Variants in CMTM4 observed in about 807,000 individuals in gnomAD.
The protein encoded by CMTM4 is CKLF like MARVEL transmembrane domain containing 4.
A neutral mutation model predicts 19.0 loss-of-function variants in CMTM4; 8 were observed. The ratio of observed to expected loss-of-function variants is 0.42; its 90% CI spans 0.25 to 0.76. The LOEUF (loss-of-function observed/expected upper bound fraction) is 0.76. CMTM4 is among the 30% of genes least tolerant of loss of function. CMTM4 has a pLI of 0.27. For missense variants in CMTM4, 228 were observed against 290.2 expected (o/e 0.79, Z 1.56); for synonymous variants, 106 against 121.1 (o/e 0.88, Z 0.82).
chr16:66,635,835 C>T (rs2015981906), intron 2 of CMTM4, among the ~76,000 whole-genome samples: 1 of 152,182 alleles, frequency 6.6e-6, no homozygotes, highest in Non-Finnish European at 1.5e-5. Flanking sequence ...CTGACCAGCC[C>T]TGTGCTTCCC....
intron 1 of CMTM4, among the ~76,000 whole-genome samples, chr16:66,684,576 C>A (rs888451112): frequency 2.0e-5 from 3 of 152,096 alleles, no homozygotes; most frequent in Admixed American, 2.0e-4. Flanking sequence ...CGAGAAAAGG[C>A]CACACACGAG....
Position 66,617,565 on chromosome 16 carries a change from C to T in CMTM4, c.*4493G>A, listed in dbSNP as rs1298957800. On this transcript the variant is annotated 3_prime_UTR_variant, in exon 4 of 4. Coordinates refer to ENST00000394106, the MANE Select transcript of CMTM4 (RefSeq NM_181521.3). The stretch of plus-strand genomic sequence containing the variant: ...TTTTTCTAGACCTAACAGATATTGA[C>T]GGTATTTTCTCTCACAGTTTCTAAA... The T allele has an allele frequency of 3.2e-5, 42 of 1,312,756 alleles. No homozygotes were observed. The highest frequency in any genetic ancestry group is 2.9e-4 in the Middle Eastern group (1 of 3,434). 81.3% of individuals were successfully genotyped at this position (1,312,756 alleles called of 1,614,324 possible).
rs1373772282 is a variant in CMTM4, at chr16:66,622,298, C to G, written c.463-76G>C. ...AAGGCTTCTGTGGTGACCCAAGCCA[C>G]ATGCAGCCCCTTCCTGCTCTGCCAG... On this transcript the variant is annotated intron_variant, in intron 3 of 3. Transcript: ENST00000394106. This position sits in a 1 kb window ranked among gnomAD's most constrained non-coding sequence, Gnocchi z 4.0. 1.3e-6 allele frequency: 2 copies of G among 1,504,656 alleles called. No homozygotes were observed. The highest frequency in any genetic ancestry group is 1.8e-6 in the Non-Finnish European group (2 of 1,104,546). The allele number at this position is 1,504,656 out of a possible 1,614,324, so 93.2% of individuals were successfully genotyped here. A position where few individuals can be genotyped will look rare whatever the true frequency, so the allele number is the denominator to read the frequency against.
At chr16:66,612,796 G>A (rs3743721), downstream of CMTM4, 26,980 of 701,884 alleles carry the variant, frequency 0.038, 1,189 homozygotes, top group East Asian at 0.14. The surrounding 1 kb of genome is among the most constrained non-coding windows in gnomAD (Gnocchi z 6.0). Flanking sequence ...CCTGAGCCCA[G>A]CCTACCAGGC....
chr16:66,689,261 T>G (rs1180592862), intron 1 of CMTM4, among the ~76,000 whole-genome samples: 1 of 152,230 alleles, frequency 6.6e-6, no homozygotes. Flanking sequence ...TACAGTATAA[T>G]GTTAGCTGTA....
intron 1 of CMTM4, among the ~76,000 whole-genome samples, chr16:66,683,135 A>ATATATATGTATATATATATACG (rs2016949502): frequency 7.4e-6 from 1 of 135,570 alleles, no homozygotes; most frequent in African/African-American, 2.7e-5. Context: ...GTGTGTATAT[A>ATATATATGTATATATATATACG]TATATATATA....
the CMTM4 span, chr16:66,604,139 G>A: frequency 6.5e-6 from 1 of 152,914 alleles, no homozygotes; most frequent in Non-Finnish European, 1.5e-5. Context: ...GCGCGCGCGC[G>A]CGTGTGTGTG....
the CMTM4 span, among the ~76,000 whole-genome samples, chr16:66,598,669 T>C: frequency 6.6e-6 from 1 of 152,224 alleles, no homozygotes. Context: ...TCATGGAGTA[T>C]GTACCTTTTG....
intron 1 of CMTM4, among the ~76,000 whole-genome samples, chr16:66,647,793 C>T (rs1468173952): frequency 6.6e-6 from 1 of 151,348 alleles, no homozygotes; most frequent in Non-Finnish European, 1.5e-5. Context: ...ACCTCAGCCT[C>T]CCGAGTAGCT....
At chr16:66,677,403 C>G (rs1437449296) in intron 1 of CMTM4, among the ~76,000 whole-genome samples, 1 of 152,236 alleles carries the variant, frequency 6.6e-6, no homozygotes, top group African/African-American at 2.4e-5. Context: ...CAGCAGCGGC[C>G]TTGCAGCAGC....
chr16:66,602,151 C>A, the CMTM4 span, among the ~76,000 whole-genome samples: 2 of 152,218 alleles, frequency 1.3e-5, no homozygotes, highest in South Asian at 2.1e-4. Flanking sequence ...AATCCCAAAC[C>A]TTTGGGAGGC....
At chr16:66,623,351 A>G in intron 3 of CMTM4, 53 bp downstream of exon 3, 4 of 1,306,458 alleles carry the variant, frequency 3.1e-6, no homozygotes, top group Non-Finnish European at 4.4e-6. Flanking sequence ...ACAGGCGAGC[A>G]GGTCACAGGA....
chr16:66,617,337 T>TAA lies in CMTM4; in HGVS notation c.*4720_*4721insTT. On this transcript the variant is annotated 3_prime_UTR_variant, in exon 4 of 4. Transcript: ENST00000394106. ...TTGTGGGTGATTTTTTCCTTACTGT[T>TAA]ACGTTTGTGGAGTAGGAAAAACTAG... 1.9e-6 allele frequency: 3 copies of TAA among 1,614,040 alleles called. No homozygotes were observed. Among genetic ancestry groups the TAA allele is most frequent in the Non-Finnish European group, 2.5e-6 (3 of 1,179,988 alleles).
At chr16:66,630,072 A>G (rs1231723748) in intron 2 of CMTM4, among the ~76,000 whole-genome samples, 1 of 152,146 alleles carries the variant, frequency 6.6e-6, no homozygotes, top group Non-Finnish European at 1.5e-5. Flanking sequence ...ACTCAGCCAG[A>G]CAGAAGTGCC....
Position 66,616,993 on chromosome 16 carries a change from A to T in CMTM4, c.*5065T>A, listed in dbSNP as rs376622245. ...TCTTTTCAGGCAGTTATGAAAAGAA[A>T]CTCTGACCTGGCCCTAAATCCCATC... is the stretch of plus-strand genomic sequence containing the variant. On this transcript the variant is annotated 3_prime_UTR_variant, in exon 4 of 4. Transcript: ENST00000394106. 181 of 260,088 alleles carry T rather than the reference A, an allele frequency of 7.0e-4. No individual in the cohort carries two copies. Among genetic ancestry groups the T allele is most frequent in the African/African-American group, 3.4e-3 (154 of 45,066 alleles). 16.1% of individuals were successfully genotyped at this position (260,088 alleles called of 1,614,324 possible).
intron 2 of CMTM4, among the ~76,000 whole-genome samples, chr16:66,636,040 A>G (rs2015986038): frequency 6.6e-6 from 1 of 152,216 alleles, no homozygotes; most frequent in African/African-American, 2.4e-5. Flanking sequence ...TCCAGAATCA[A>G]TATTTTTATA....
chr16:66,606,888 G>A, the CMTM4 span, among the ~76,000 whole-genome samples: 1 of 152,196 alleles, frequency 6.6e-6, no homozygotes, highest in African/African-American at 2.4e-5. Context: ...AGCTACTCGG[G>A]AAGGCTGAGG....
chr16:66,643,574 A>C (rs549824808), intron 1 of CMTM4, among the ~76,000 whole-genome samples: 26 of 152,308 alleles, frequency 1.7e-4, no homozygotes, highest in Admixed American at 3.3e-4. Flanking sequence ...TCAGTGCCTA[A>C]ATGAGAGTTG....
At chr16:66,670,904 G>C (rs761621857) in intron 1 of CMTM4, among the ~76,000 whole-genome samples, 1 of 152,098 alleles carries the variant, frequency 6.6e-6, no homozygotes, top group Non-Finnish European at 1.5e-5. Context: ...ACAAGTATGC[G>C]CATGGGAACA....
Sources: allele counts gnomAD v4.1 joint callset (sites outside exome capture counted in the v4.1 genomes callset), GRCh38; gene constraint gnomAD v4.1.1; non-coding constraint Gnocchi (gnomAD v3.1); transcripts MANE v1.5; gene names NCBI Gene and HGNC (gene_info 2026-07-23, HGNC 2026-07-21).